The following CTNNBIP1 variants were observed in gnomAD, a reference collection of about 807,000 sequenced individuals.
CTNNBIP1 encodes the protein beta-catenin-interacting protein 1.
Under a neutral mutation model 11.8 loss-of-function variants are expected in CTNNBIP1, and 7 were observed. The ratio of observed to expected loss-of-function variants is 0.60; its 90% CI spans 0.34 to 1.12. The LOEUF (loss-of-function observed/expected upper bound fraction) is 1.12. Ranked by LOEUF, CTNNBIP1 falls within the 50% of genes most tolerant of loss-of-function variation. The pLI, the probability that CTNNBIP1 is intolerant of heterozygous loss-of-function variation, is 0.03. For synonymous variants in CTNNBIP1, 58 were observed against 43.9 expected, an observed-to-expected ratio of 1.32 and a Z score of -1.26; for missense variants, 101 against 113.4, an observed-to-expected ratio of 0.89 and a Z score of 0.50.
chr1:9,874,641 T>C lies in CTNNBIP1; in HGVS notation c.-24-2553A>G, dbSNP rs530525272. On this transcript the variant is annotated intron_variant, in intron 3 of 5. Coordinates refer to ENST00000377263, the MANE Select transcript of CTNNBIP1 (RefSeq NM_020248.3). ...CTGCCAAGGCCAGGGCCCCCTCTGC[T>C]GTGCTCACCCCTGTCCTCCGGGAGA... 2.2e-3 allele frequency among the ~76,000 whole-genome samples: 341 copies of C among 152,342 alleles called. 5 individuals carry two copies. Among genetic ancestry groups the C allele is most frequent in the Non-Finnish European group, 3.0e-3 (206 of 68,024 alleles).
In CTNNBIP1 at chr1:9,883,848, G is replaced by C. The variant is rs1016681067; in HGVS notation, c.-143-110C>G. ...TCAGCCTCAGGTGAGTCTTAACCTC[G>C]GCTTTGCCTCCTCCAGGTGGGTCGG... On this transcript the variant is annotated intron_variant, in intron 1 of 5. Coordinates refer to ENST00000377263, the MANE Select transcript of CTNNBIP1 (RefSeq NM_020248.3). The surrounding 1 kb of genome is among the most constrained non-coding windows in gnomAD (Gnocchi z 5.6). 6.5e-6 allele frequency: 1 copy of C among 153,030 alleles called. No homozygotes were observed. The highest frequency in any genetic ancestry group is 2.4e-5 in the African/African-American group (1 of 41,444). The allele number at this position is 153,030 out of a possible 1,614,324, so 9.5% of individuals were successfully genotyped here. A position where few individuals can be genotyped will look rare whatever the true frequency, so the allele number is the denominator to read the frequency against.
chr1:9,871,923 A>G lies in CTNNBIP1; in HGVS notation c.96+46T>C. 6.5e-7 allele frequency: 1 copy of G among 1,535,028 alleles called. No homozygotes were observed. Among genetic ancestry groups the G allele is most frequent in the East Asian group, 2.2e-5 (1 of 44,494 alleles). On this transcript the variant is annotated intron_variant, in intron 4 of 5. Transcript: ENST00000377263. The surrounding 1 kb of genome is among the most constrained non-coding windows in gnomAD (Gnocchi z 5.2). ...TAGCCCAGCAGGGCCCCTCCCTGGG[A>G]GACCCTCCCTGGGGGCCCGCTGCCT...
At chr1:9,887,023 G>T (rs1639203427) in intron 1 of CTNNBIP1, among the ~76,000 whole-genome samples, 1 of 152,218 alleles carries the variant, frequency 6.6e-6, no homozygotes, top group South Asian at 2.1e-4. Context: ...TCCTAGTGAG[G>T]CATGGCATTT....
At chr1:9,895,132 C>T in intron 1 of CTNNBIP1, among the ~76,000 whole-genome samples, 1 of 151,722 alleles carries the variant, frequency 6.6e-6, no homozygotes, top group East Asian at 1.9e-4. Flanking sequence ...TGGTCTCGAT[C>T]TCCTGACCTC....
intron 5 of CTNNBIP1, among the ~76,000 whole-genome samples, chr1:9,857,392 G>A: frequency 6.6e-6 from 1 of 151,538 alleles, no homozygotes; most frequent in East Asian, 1.9e-4. Flanking sequence ...TCGGGAGGCT[G>A]AGGCAGGAGA....
chr1:9,859,627 G>A (rs892429442), intron 5 of CTNNBIP1, among the ~76,000 whole-genome samples: 4 of 152,206 alleles, frequency 2.6e-5, no homozygotes, highest in Admixed American at 6.5e-5. Flanking sequence ...TGGGCAGCTC[G>A]ATGCATTTCC....
chr1:9,882,423 G>A (rs77909777), intron 2 of CTNNBIP1, among the ~76,000 whole-genome samples: 2,466 of 152,308 alleles, frequency 0.016, 67 homozygotes, highest in African/African-American at 0.056. Flanking sequence ...AGTTTGAGTC[G>A]CCTCGGGGAT....
At position 9,871,097 on chromosome 1, in the gene CTNNBIP1, A is replaced by C; in HGVS notation, c.187+90T>G. 1 of 958,050 alleles carries C rather than the reference A, an allele frequency of 1.0e-6. No homozygotes were observed. The highest frequency in any genetic ancestry group is 2.7e-5 in the East Asian group (1 of 37,702). 59.3% of individuals were successfully genotyped at this position (958,050 alleles called of 1,614,324 possible). ...CTGGGTCTCATGGATCACCCATCAA[A>C]GAGGGCTGGAGCTACGCTTTCTAAG... On this transcript the variant is annotated intron_variant, in intron 5 of 5. Transcript: ENST00000377263. This position sits in a 1 kb window ranked among gnomAD's most constrained non-coding sequence, Gnocchi z 5.2.
At chr1:9,866,500 C>T (rs1433081362) in intron 5 of CTNNBIP1, among the ~76,000 whole-genome samples, 1 of 152,030 alleles carries the variant, frequency 6.6e-6, no homozygotes, top group East Asian at 1.9e-4. Flanking sequence ...TTGAGACCAG[C>T]CCGGGCAACA....
intron 5 of CTNNBIP1, among the ~76,000 whole-genome samples, chr1:9,860,760 C>G (rs1638609855): frequency 6.6e-6 from 1 of 152,094 alleles, no homozygotes; most frequent in African/African-American, 2.4e-5. Flanking sequence ...CCTTGCTGGC[C>G]AGAACTTCCC....
intron 1 of CTNNBIP1, among the ~76,000 whole-genome samples, chr1:9,908,355 C>G (rs1344589480): frequency 6.8e-6 from 1 of 147,860 alleles, no homozygotes; most frequent in Non-Finnish European, 1.5e-5. Context: ...CTGAGTCCGC[C>G]CTGATCCACA....
chr1:9,897,842 C>T (rs1207847742), intron 1 of CTNNBIP1, among the ~76,000 whole-genome samples: 1 of 151,922 alleles, frequency 6.6e-6, no homozygotes, highest in African/African-American at 2.4e-5. Context: ...AAAATTTGGC[C>T]GGATGCGGTG....
intron 5 of CTNNBIP1, among the ~76,000 whole-genome samples, chr1:9,856,857 C>CT (rs1241020317): frequency 1.3e-5 from 2 of 152,020 alleles, no homozygotes; most frequent in Non-Finnish European, 2.9e-5. Flanking sequence ...GGTGCAGTGG[C>CT]TCACGCCTGT....
intron 1 of CTNNBIP1, among the ~76,000 whole-genome samples, chr1:9,902,438 G>A (rs1005278754): frequency 3.3e-5 from 5 of 152,198 alleles, no homozygotes; most frequent in Non-Finnish European, 7.3e-5. Context: ...AAGTGGGAAG[G>A]GAGTTCTTGC....
intron 1 of CTNNBIP1, among the ~76,000 whole-genome samples, chr1:9,890,253 G>C (rs1351849411): frequency 1.3e-5 from 2 of 152,118 alleles, no homozygotes; most frequent in Admixed American, 6.6e-5. Flanking sequence ...AAACAGGAAG[G>C]CATGTGGAGC....
chr1:9,875,355 G>A (rs1638945870), intron 3 of CTNNBIP1, among the ~76,000 whole-genome samples: 1 of 152,254 alleles, frequency 6.6e-6, no homozygotes, highest in Admixed American at 6.5e-5. Context: ...GCTTCCCAGA[G>A]GAGCGTCAGT....
chr1:9,880,615 A>G (rs1389578772), intron 2 of CTNNBIP1, among the ~76,000 whole-genome samples: 1 of 152,122 alleles, frequency 6.6e-6, no homozygotes, highest in African/African-American at 2.4e-5. Flanking sequence ...AAGCGTTCCT[A>G]TTTCTCCACA....
At chr1:9,866,593 T>C (rs1638750465) in intron 5 of CTNNBIP1, among the ~76,000 whole-genome samples, 2 of 151,204 alleles carry the variant, frequency 1.3e-5, no homozygotes, top group African/African-American at 4.9e-5. Flanking sequence ...GGCAGGAGAA[T>C]TGCTTGAACT....
chr1:9,851,374 C>CT lies in CTNNBIP1; in HGVS notation c.188-599dup, dbSNP rs151144700. 0.045 allele frequency among the ~76,000 whole-genome samples: 6,901 copies of CT among 151,688 alleles called. 533 individuals carry two copies. Among genetic ancestry groups the CT allele is most frequent in the African/African-American group, 0.16 (6,459 of 41,276 alleles). On this transcript the variant is annotated intron_variant, in intron 5 of 5. Coordinates refer to ENST00000377263, the MANE Select transcript of CTNNBIP1 (RefSeq NM_020248.3). This position sits in a 1 kb window ranked among gnomAD's most constrained non-coding sequence, Gnocchi z 4.8. Reference sequence around the variant, plus strand: ...TTCTTTTTCTTTTTCCTTTTTCTTTCTTTTTTTTGTGTGTGATATGGAGTC... The same window carrying CT: ...TTCTTTTTCTTTTTCCTTTTTCTTTCTTTTTTTTTGTGTGTGATATGGAGTC...
Sources: gnomAD v4.1 joint callset for allele counts (sites outside exome capture counted in the v4.1 genomes callset) on GRCh38, gnomAD v4.1.1 for gene constraint, Gnocchi (gnomAD v3.1) non-coding constraint, MANE v1.5 for transcripts, NCBI Gene and HGNC (gene_info 2026-07-23, HGNC 2026-07-21) for gene names.